The following NICOL1 variants were observed in gnomAD, a reference collection of about 807,000 sequenced individuals.
NICOL1 encodes the protein NELL2 interacting cell ontogeny regulator 1.
the NICOL1 span, among the ~76,000 whole-genome samples, chr4:2,041,072 G>A: frequency 4.8e-5 from 7 of 146,340 alleles, no homozygotes; most frequent in African/African-American, 1.5e-4. Context: ...GTGCGGCTCC[G>A]CCCACCAAGA....
the NICOL1 span, chr4:2,042,517 G>T: frequency 2.4e-6 from 1 of 421,902 alleles, no homozygotes; most frequent in Non-Finnish European, 4.2e-6. Context: ...CGGGGAGCGG[G>T]GCGGGGCTGG....
the NICOL1 span, among the ~76,000 whole-genome samples, chr4:2,039,291 G>A: frequency 6.6e-6 from 1 of 151,946 alleles, no homozygotes; most frequent in Non-Finnish European, 1.5e-5. Flanking sequence ...GCAGGCACCT[G>A]TAATCCCAGC....
chr4:2,042,432 G>A, the NICOL1 span: 2 of 458,112 alleles, frequency 4.4e-6, no homozygotes, highest in South Asian at 4.3e-5. Context: ...GTCTGGCGCT[G>A]CTGGGCGCCC....
the NICOL1 span, among the ~76,000 whole-genome samples, chr4:2,036,675 G>A: frequency 6.6e-6 from 1 of 152,142 alleles, no homozygotes; most frequent in African/African-American, 2.4e-5. Flanking sequence ...GGTATAACTC[G>A]GATCAGTTAG....
chr4:2,039,991 AT>A, the NICOL1 span, among the ~76,000 whole-genome samples: 1 of 152,150 alleles, frequency 6.6e-6, no homozygotes, highest in African/African-American at 2.4e-5. Flanking sequence ...TCAAATATGG[AT>A]TTAGGAAGGA....
chr4:2,040,105 C>CATAT, the NICOL1 span, among the ~76,000 whole-genome samples: 8 of 151,028 alleles, frequency 5.3e-5, no homozygotes, highest in Non-Finnish European at 3.0e-5. Flanking sequence ...AAGAAATATA[C>CATAT]ATATATATAT....
the NICOL1 span, chr4:2,041,590 AG>A: frequency 4.5e-5 from 8 of 179,648 alleles, no homozygotes; most frequent in Non-Finnish European, 9.3e-5. Context: ...CCCCCAGACC[AG>A]CTCTCTCCGG....
the NICOL1 span, among the ~76,000 whole-genome samples, chr4:2,038,284 T>TAA: frequency 1.5e-4 from 17 of 114,892 alleles, no homozygotes; most frequent in African/African-American, 3.9e-4. Flanking sequence ...TATATATATA[T>TAA]AAAATTAAAA....
At chr4:2,041,145 T>TGGGG in the NICOL1 span, among the ~76,000 whole-genome samples, 2 of 41,120 alleles carry the variant, frequency 4.9e-5, no homozygotes, top group Non-Finnish European at 9.3e-5. Flanking sequence ...GGCTGCTGGG[T>TGGGG]GGGGTGGGGG....
At chr4:2,042,930 C>A in the NICOL1 span, 2 of 723,384 alleles carry the variant, frequency 2.8e-6, no homozygotes, top group Non-Finnish European at 4.2e-6. Context: ...CCTCATCCTT[C>A]ACCCCGATTT....
the NICOL1 span, among the ~76,000 whole-genome samples, chr4:2,037,972 T>C: frequency 2.6e-5 from 4 of 151,560 alleles, no homozygotes; most frequent in African/African-American, 2.4e-5. Context: ...AATACTATTT[T>C]GCCCTTATAT....
chr4:2,037,117 G>T, the NICOL1 span, among the ~76,000 whole-genome samples: 1 of 152,122 alleles, frequency 6.6e-6, no homozygotes, highest in East Asian at 1.9e-4. Flanking sequence ...TTCCCCCTTT[G>T]CTGTCTTCCT....
chr4:2,037,309 G>C, the NICOL1 span, among the ~76,000 whole-genome samples: 1 of 152,156 alleles, frequency 6.6e-6, no homozygotes, highest in Non-Finnish European at 1.5e-5. Flanking sequence ...TGGTCAGGCC[G>C]GTCTCGAACT....
the NICOL1 span, among the ~76,000 whole-genome samples, chr4:2,038,243 A>G: frequency 0.025 from 1,247 of 49,730 alleles, 27 homozygotes; most frequent in African/African-American, 0.081. Flanking sequence ...GTGTGTATAT[A>G]TATATATATA....
At chr4:2,041,130 G>A in the NICOL1 span, among the ~76,000 whole-genome samples, 1 of 149,708 alleles carries the variant, frequency 6.7e-6, no homozygotes, top group Non-Finnish European at 1.5e-5. Context: ...CCCGGCCACA[G>A]CGCGGGCTGC....
chr4:2,037,021 T>C, the NICOL1 span, among the ~76,000 whole-genome samples: 1 of 152,052 alleles, frequency 6.6e-6, no homozygotes, highest in Non-Finnish European at 1.5e-5. Flanking sequence ...GTGGGAGGGA[T>C]TGGATCACGG....
chr4:2,038,396 T>G, the NICOL1 span, among the ~76,000 whole-genome samples: 12 of 151,378 alleles, frequency 7.9e-5, no homozygotes, highest in African/African-American at 2.7e-4. Flanking sequence ...AAAGGGATCC[T>G]CCTGCCTCAG....
the NICOL1 span, chr4:2,042,661 C>T: frequency 1.2e-6 from 1 of 824,054 alleles, no homozygotes; most frequent in Non-Finnish European, 1.8e-6. Context: ...ACTGGGTGGA[C>T]GGGCCCAGAG....
the NICOL1 span, among the ~76,000 whole-genome samples, chr4:2,038,269 A>ATATG: frequency 1.2e-5 from 1 of 81,732 alleles, no homozygotes; most frequent in Non-Finnish European, 2.4e-5. Context: ...ATATATATAT[A>ATATG]TATATATATA....
Sources: gnomAD v4.1 joint callset for allele counts (sites outside exome capture counted in the v4.1 genomes callset) on GRCh38, gnomAD v4.1.1 for gene constraint, MANE v1.5 for transcripts, NCBI Gene and HGNC (gene_info 2026-07-23, HGNC 2026-07-21) for gene names.